Variants in TAFA4 observed in about 807,000 individuals in gnomAD.
TAFA4 encodes chemokine-like protein TAFA-4.
Under a neutral mutation model 21.1 loss-of-function variants are expected in TAFA4, and 20 were observed. The ratio of observed to expected loss-of-function variants is 0.95; its 90% CI spans 0.67 to 1.38. The LOEUF is 1.38. Ranked by LOEUF, TAFA4 falls within the 40% of genes most tolerant of loss-of-function variation. The pLI is 0.00. For synonymous variants in TAFA4, 71 were observed against 67.4 expected (o/e 1.05, Z -0.26); for missense variants, 211 against 180.9 (o/e 1.17, Z -0.95).
intron 3 of TAFA4, among the ~76,000 whole-genome samples, chr3:68,775,733 C>T (rs551509707): frequency 6.6e-5 from 10 of 152,168 alleles, no homozygotes; most frequent in African/African-American, 1.4e-4. Flanking sequence ...TGTGGGGACC[C>T]GGGCAATGAT....
intron 1 of TAFA4, among the ~76,000 whole-genome samples, chr3:68,888,240 GC>G (rs1346309561): frequency 6.6e-6 from 1 of 151,934 alleles, no homozygotes; most frequent in Admixed American, 6.6e-5. Flanking sequence ...AACAAGGATT[GC>G]CTTTACTCTG....
intron 3 of TAFA4, among the ~76,000 whole-genome samples, chr3:68,831,015 GT>G: frequency 6.6e-6 from 1 of 152,070 alleles, no homozygotes; most frequent in Admixed American, 6.6e-5. Flanking sequence ...TGCAACCCCT[GT>G]TTTTTTCTGC....
chr3:68,749,408 G>T (rs1702520172), intron 4 of TAFA4, among the ~76,000 whole-genome samples: 1 of 152,052 alleles, frequency 6.6e-6, no homozygotes, highest in African/African-American at 2.4e-5. Context: ...TTATATTTTA[G>T]ATCCTTTCTA....
intron 3 of TAFA4, among the ~76,000 whole-genome samples, chr3:68,849,008 C>G (rs1420375089): frequency 6.6e-6 from 1 of 152,054 alleles, no homozygotes; most frequent in East Asian, 1.9e-4. Context: ...AAATAGATTT[C>G]CTACACCTAG....
chr3:68,737,644 A>G (rs1209154748), intron 5 of TAFA4, among the ~76,000 whole-genome samples: 3 of 152,174 alleles, frequency 2.0e-5, no homozygotes, highest in African/African-American at 7.2e-5. Context: ...TTTAGACTTA[A>G]TATCTTTATA....
At chr3:68,752,837 A>T in intron 4 of TAFA4, 26 bp downstream of exon 4, 1 of 1,613,936 alleles carries the variant, frequency 6.2e-7, no homozygotes, top group Non-Finnish European at 8.5e-7. Flanking sequence ...TTGAAATACC[A>T]GAGATGCTGA....
chr3:68,930,977 T>C (rs1228413553), intron 1 of TAFA4, among the ~76,000 whole-genome samples: 2 of 152,132 alleles, frequency 1.3e-5, no homozygotes, highest in African/African-American at 4.8e-5. Flanking sequence ...CCCCACCTCT[T>C]CCCTCCTCAG....
At chr3:68,892,767 G>GC (rs1559555572) in intron 1 of TAFA4, among the ~76,000 whole-genome samples, 1 of 152,122 alleles carries the variant, frequency 6.6e-6, no homozygotes, top group Non-Finnish European at 1.5e-5. Context: ...ATGGATATAT[G>GC]GTCAAACCAC....
At chr3:68,842,431 T>C (rs1704686535) in intron 3 of TAFA4, among the ~76,000 whole-genome samples, 2 of 152,228 alleles carry the variant, frequency 1.3e-5, no homozygotes, top group Admixed American at 6.5e-5. Flanking sequence ...TCTTTGTGGA[T>C]TCTGGATATT....
chr3:68,914,266 T>C (rs192219331), intron 1 of TAFA4, among the ~76,000 whole-genome samples: 1 of 152,324 alleles, frequency 6.6e-6, no homozygotes, highest in Admixed American at 6.5e-5. Flanking sequence ...AACTATATAT[T>C]TCCATTTATA....
intron 3 of TAFA4, among the ~76,000 whole-genome samples, chr3:68,876,042 C>T (rs1359311732): frequency 6.6e-6 from 1 of 151,972 alleles, no homozygotes; most frequent in Non-Finnish European, 1.5e-5. Flanking sequence ...ACCCATAATT[C>T]CAATCTTTAA....
chr3:68,820,728 T>C (rs937665049), intron 3 of TAFA4, among the ~76,000 whole-genome samples: 5 of 152,082 alleles, frequency 3.3e-5, no homozygotes, highest in Non-Finnish European at 7.4e-5. Flanking sequence ...AAAAAAATGG[T>C]AAATATGTGA....
intron 3 of TAFA4, among the ~76,000 whole-genome samples, chr3:68,876,259 A>C (rs1412881536): frequency 6.6e-6 from 1 of 152,162 alleles, no homozygotes; most frequent in Non-Finnish European, 1.5e-5. Flanking sequence ...GCTTTATAAC[A>C]TGCAAAATTA....
chr3:68,771,383 C>T (rs971674307), intron 3 of TAFA4, among the ~76,000 whole-genome samples: 1 of 152,228 alleles, frequency 6.6e-6, no homozygotes, highest in African/African-American at 2.4e-5. Flanking sequence ...CCCCTAGACA[C>T]TGCCATGGGA....
At chr3:68,862,548 T>C (rs142577214) in intron 3 of TAFA4, among the ~76,000 whole-genome samples, 334 of 152,198 alleles carry the variant, frequency 2.2e-3, no homozygotes, top group Non-Finnish European at 3.0e-3. Flanking sequence ...GGGATAGTCA[T>C]CGACAGAGAT....
chr3:68,828,292 G>A lies in TAFA4; in HGVS notation c.130+52438C>T, dbSNP rs191750258. Among the ~76,000 whole-genome samples the A allele has an allele frequency of 6.2e-3, 945 of 152,296 alleles. 9 individuals carry two copies. Among genetic ancestry groups the A allele is most frequent in the African/African-American group, 0.022 (914 of 41,570 alleles). On this transcript the variant is annotated intron_variant, in intron 3 of 5. Coordinates refer to ENST00000295569, the MANE Select transcript of TAFA4 (RefSeq NM_182522.5). Reference sequence around the variant, plus strand: ...TCGGTTACTGTAGCCTTGTAGTATAGTTTGAAGTCAGGTAGCATAATGCCT... The same window carrying A: ...TCGGTTACTGTAGCCTTGTAGTATAATTTGAAGTCAGGTAGCATAATGCCT...
rs929471390 is a variant in TAFA4, at chr3:68,889,605, A to G, written c.-122-4295T>C. On this transcript the variant is annotated intron_variant, in intron 1 of 5. Coordinates refer to ENST00000295569, the MANE Select transcript of TAFA4 (RefSeq NM_182522.5). ...ATCTGCAGGGCATCACATTTCCCCC[A>G]TCTTTTCACTCTAAAACTCTACAAT... Among the ~76,000 whole-genome samples, 7 of 152,142 alleles carry G rather than the reference A, an allele frequency of 4.6e-5. No individual in the cohort carries two copies. In the South Asian group the frequency reaches 1.5e-3, roughly 32 times the overall value.
Position 68,871,213 on chromosome 3 carries a change from C to T in TAFA4, c.130+9517G>A, listed in dbSNP as rs956540343. Reference sequence around the variant, plus strand: ...CAGCAATCCCATTACTGAGTATATACCCAAATGATTATAAATCATTCTACT... The same window carrying T: ...CAGCAATCCCATTACTGAGTATATATCCAAATGATTATAAATCATTCTACT... On this transcript the variant is annotated intron_variant, in intron 3 of 5. Transcript: ENST00000295569. 3.3e-5 allele frequency among the ~76,000 whole-genome samples: 5 copies of T among 152,016 alleles called. No individual in the cohort carries two copies. The South Asian group carries it at 1.0e-3, about 32-fold the overall frequency.
At chr3:68,823,832 A>T (rs1458335116) in intron 3 of TAFA4, among the ~76,000 whole-genome samples, 1 of 152,230 alleles carries the variant, frequency 6.6e-6, no homozygotes, top group Non-Finnish European at 1.5e-5. Context: ...AGACCGTATA[A>T]GGAAAATGTG....
Sources: gnomAD v4.1 joint callset for allele counts (sites outside exome capture counted in the v4.1 genomes callset) on GRCh38, gnomAD v4.1.1 for gene constraint, MANE v1.5 for transcripts, NCBI Gene and HGNC (gene_info 2026-07-23, HGNC 2026-07-21) for gene names.